GRIK3: variants seen among roughly 807,000 people sequenced by gnomAD.
The protein encoded by GRIK3 is glutamate ionotropic receptor kainate type subunit 3, also known as glutamate receptor ionotropic, kainate 3.
GRIK3 carries 29 observed loss-of-function variants against 102.5 expected under a neutral mutation model. The observed-to-expected ratio is 0.28, with a 90% confidence interval of 0.21 to 0.39. The LOEUF is 0.39. GRIK3 is among the 10% of genes least tolerant of loss of function. The probability of loss-of-function intolerance (pLI) is 1.00; values close to 1 mark genes in which losing one functional copy is unlikely to be tolerated. For missense variants in GRIK3, 908 were observed against 1,252.4 expected (o/e 0.73, Z 4.15); for synonymous variants, 511 against 504.9 (o/e 1.01, Z -0.16).
intron 1 of GRIK3, among the ~76,000 whole-genome samples, chr1:36,990,384 C>T (rs1380087196): frequency 6.6e-6 from 1 of 152,220 alleles, no homozygotes; most frequent in Non-Finnish European, 1.5e-5. Context: ...TCCTGCTTCT[C>T]TTCCCAACTT....
At chr1:36,967,144 C>A (rs1017564645) in intron 1 of GRIK3, among the ~76,000 whole-genome samples, 1 of 152,192 alleles carries the variant, frequency 6.6e-6, no homozygotes, top group East Asian at 1.9e-4. Context: ...AGGGCCTTCC[C>A]TTTTAACCAC....
chr1:36,989,589 C>A (rs1283650254), intron 1 of GRIK3, among the ~76,000 whole-genome samples: 1 of 152,212 alleles, frequency 6.6e-6, no homozygotes, highest in African/African-American at 2.4e-5. Context: ...AGCAAAATGG[C>A]CCCTCTGAAT....
chr1:36,908,209 C>A (rs1641306949), intron 1 of GRIK3, among the ~76,000 whole-genome samples: 1 of 152,222 alleles, frequency 6.6e-6, no homozygotes, highest in East Asian at 1.9e-4. Context: ...TCTATAAACC[C>A]CATGCATCCG....
At chr1:36,896,908 C>G (rs1243813943) in intron 1 of GRIK3, among the ~76,000 whole-genome samples, 1 of 152,154 alleles carries the variant, frequency 6.6e-6, no homozygotes, top group Non-Finnish European at 1.5e-5. Flanking sequence ...ATGCGATCAT[C>G]TGAATCAATG....
At chr1:36,816,271 G>C (rs562664784) in intron 13 of GRIK3, among the ~76,000 whole-genome samples, 1 of 152,320 alleles carries the variant, frequency 6.6e-6, no homozygotes, top group African/African-American at 2.4e-5. Flanking sequence ...TTGTCATGAA[G>C]ATTAAATGAG....
intron 10 of GRIK3, among the ~76,000 whole-genome samples, chr1:36,829,110 T>G (rs756188020): frequency 2.0e-5 from 3 of 152,102 alleles, no homozygotes; most frequent in Non-Finnish European, 4.4e-5. Context: ...AAGGCTGGAG[T>G]TCTCCACTGC....
At chr1:36,956,693 A>C (rs1003266461) in intron 1 of GRIK3, among the ~76,000 whole-genome samples, 24 of 152,204 alleles carry the variant, frequency 1.6e-4, no homozygotes, top group African/African-American at 5.8e-4. Flanking sequence ...GGTGCACAGG[A>C]AACATTTCAG....
At chr1:36,910,405 G>T (rs958351547) in intron 1 of GRIK3, among the ~76,000 whole-genome samples, 1 of 152,242 alleles carries the variant, frequency 6.6e-6, no homozygotes, top group Non-Finnish European at 1.5e-5. Flanking sequence ...TCTGATCAGG[G>T]TTCTCTTTGC....
chr1:36,932,504 C>T (rs1158460603), intron 1 of GRIK3, among the ~76,000 whole-genome samples: 2 of 152,188 alleles, frequency 1.3e-5, no homozygotes, highest in Non-Finnish European at 2.9e-5. Flanking sequence ...AGTTCTGCAT[C>T]CTTCCCCTTC....
rs747009833 is a variant in GRIK3 at position 36,802,022 on chromosome 1, G to A, written c.2589C>T (p.Ala863=). 14 of 1,612,552 alleles carry A rather than the reference G, an allele frequency of 8.7e-6. No individual in the cohort carries two copies. The highest frequency in any genetic ancestry group is 1.3e-5 in the African/African-American group (1 of 74,918). The part of the protein sequence containing the change: ...REQRSFCSTV[A]DEIRFSLTCQ... The stretch of plus-strand genomic sequence containing the variant: ...AGGTAAGGGAGAAACGGATCTCATC[G>A]GCCACGGTGCTGCAGAAGGAACGCT... The change falls in exon 16 of 16, where the codon GCC becomes GCT. Residue 863 remains alanine (A), a synonymous_variant. Transcript: ENST00000373091.
chr1:36,882,209 G>A (rs1640988634), intron 2 of GRIK3, among the ~76,000 whole-genome samples: 1 of 152,194 alleles, frequency 6.6e-6, no homozygotes, highest in African/African-American at 2.4e-5. Context: ...GTTTACTGCT[G>A]TATCGACAGT....
intron 1 of GRIK3, among the ~76,000 whole-genome samples, chr1:36,945,065 G>A (rs1265497376): frequency 2.0e-5 from 3 of 152,228 alleles, no homozygotes; most frequent in Non-Finnish European, 4.4e-5. Flanking sequence ...ACCCCTGGCC[G>A]TCGGCCACAC....
At chr1:36,867,494 A>T (rs1640798175) in intron 5 of GRIK3, among the ~76,000 whole-genome samples, 1 of 152,128 alleles carries the variant, frequency 6.6e-6, no homozygotes, top group Admixed American at 6.5e-5. Flanking sequence ...CACCAGCAAG[A>T]TTGCAGAAAC....
At position 36,957,471 on chromosome 1, in the gene GRIK3, T is replaced by C. The variant is rs183813947; in HGVS notation, c.116-66375A>G. Among the ~76,000 whole-genome samples the C allele has an allele frequency of 7.2e-3, 739 of 102,694 alleles. 106 individuals carry two copies. Among genetic ancestry groups the C allele is most frequent in the African/African-American group, 0.016 (419 of 26,952 alleles). 67.4% of individuals were successfully genotyped at this position (102,694 alleles called of 152,430 possible). On this transcript the variant is annotated intron_variant, in intron 1 of 15. Transcript: ENST00000373091. ...CTGTGCCCTGTGAGCCTATGTGCTC[T>C]GTGAGTCTGTGCCCCGTGAGCCTGT...
At chr1:36,816,448 G>A (rs1225206352) in intron 13 of GRIK3, among the ~76,000 whole-genome samples, 2 of 152,152 alleles carry the variant, frequency 1.3e-5, no homozygotes, top group African/African-American at 2.4e-5. Flanking sequence ...AAACATTAGG[G>A]CACTCAGCAA....
chr1:36,804,414 T>C (rs141439912), intron 15 of GRIK3, among the ~76,000 whole-genome samples: 1 of 152,308 alleles, frequency 6.6e-6, no homozygotes, highest in African/African-American at 2.4e-5. Context: ...CTCCCTGTGA[T>C]TCTAATTTGC....
At chr1:37,020,513 G>A (rs1642699188) in intron 1 of GRIK3, among the ~76,000 whole-genome samples, 1 of 152,174 alleles carries the variant, frequency 6.6e-6, no homozygotes, top group African/African-American at 2.4e-5. Context: ...GCCGAACCAA[G>A]ATGCTTGGTA....
chr1:36,926,629 T>A (rs555505034), intron 1 of GRIK3, among the ~76,000 whole-genome samples: 19 of 152,224 alleles, frequency 1.2e-4, no homozygotes, highest in African/African-American at 3.4e-4. Flanking sequence ...GACCTCGTGA[T>A]CTGTCCGCCT....
chr1:36,833,194 T>C (rs183497276), intron 10 of GRIK3, among the ~76,000 whole-genome samples: 28 of 152,264 alleles, frequency 1.8e-4, no homozygotes, highest in Non-Finnish European at 2.4e-4. Context: ...CCCAGCCTAA[T>C]GGGCTGAGCT....
Sources: gnomAD v4.1 joint callset for allele counts (sites outside exome capture counted in the v4.1 genomes callset) on GRCh38, gnomAD v4.1.1 for gene constraint, MANE v1.5 for transcripts, NCBI Gene and HGNC (gene_info 2026-07-23, HGNC 2026-07-21) for gene names.